The following CNTNAP2 variants were observed in gnomAD, a reference collection of about 807,000 sequenced individuals.
CNTNAP2 encodes contactin associated protein 2, also known as contactin-associated protein-like 2.
CNTNAP2 carries 98 observed loss-of-function variants against 155.2 expected under a neutral mutation model. The ratio of observed to expected loss-of-function variants is 0.63; its 90% CI spans 0.54 to 0.75. The LOEUF (loss-of-function observed/expected upper bound fraction) is 0.75. Ranked by LOEUF, CNTNAP2 falls within the 30% of genes least tolerant of loss-of-function variation. CNTNAP2 has a pLI of 0.00. For synonymous variants in CNTNAP2, 651 were observed against 631.2 expected, an observed-to-expected ratio of 1.03 and a Z score of -0.47; for missense variants, 1,727 against 1,688.1, an observed-to-expected ratio of 1.02 and a Z score of -0.40.
intron 1 of CNTNAP2, among the ~76,000 whole-genome samples, chr7:146,400,091 C>G (rs1418710663): frequency 1.3e-5 from 2 of 152,048 alleles, no homozygotes; most frequent in African/African-American, 4.8e-5. Context: ...AGGTATGGTT[C>G]CTGAGGCAAA....
At chr7:146,248,436 C>T (rs186849770) in intron 1 of CNTNAP2, among the ~76,000 whole-genome samples, 118 of 152,276 alleles carry the variant, frequency 7.7e-4, no homozygotes, top group African/African-American at 2.6e-3. Context: ...TAATCAGGGA[C>T]GCATCCCTGG....
At chr7:146,852,128 G>A (rs1794891585) in intron 3 of CNTNAP2, among the ~76,000 whole-genome samples, 1 of 152,060 alleles carries the variant, frequency 6.6e-6, no homozygotes, top group South Asian at 2.1e-4. Context: ...TTGGGGGTTG[G>A]AACATGAACA....
intron 20 of CNTNAP2, among the ~76,000 whole-genome samples, chr7:148,232,780 C>T (rs1349781970): frequency 6.6e-6 from 1 of 152,194 alleles, no homozygotes; most frequent in African/African-American, 2.4e-5. Context: ...TGATCCTCAT[C>T]AGTGTTTATG....
intron 1 of CNTNAP2, among the ~76,000 whole-genome samples, chr7:146,426,890 G>T (rs1796101369): frequency 6.6e-6 from 1 of 151,798 alleles, no homozygotes. Context: ...TAATAAGTAT[G>T]TGAGGTACTA....
intron 1 of CNTNAP2, among the ~76,000 whole-genome samples, chr7:146,250,023 A>C (rs1256662849): frequency 2.0e-5 from 3 of 152,208 alleles, no homozygotes; most frequent in African/African-American, 7.2e-5. Context: ...TTGAAGAGAT[A>C]AGATACTCTA....
chr7:148,175,722 G>T (rs1173410967), intron 18 of CNTNAP2, among the ~76,000 whole-genome samples: 1 of 152,082 alleles, frequency 6.6e-6, no homozygotes, highest in Admixed American at 6.5e-5. Context: ...AAATAGCCCA[G>T]GGGGACAGAT....
chr7:147,500,712 C>T (rs919615146), intron 11 of CNTNAP2, among the ~76,000 whole-genome samples: 2 of 152,116 alleles, frequency 1.3e-5, no homozygotes, highest in African/African-American at 4.8e-5. Flanking sequence ...AAAGCCCTTG[C>T]TACATAAGAG....
At chr7:147,951,552 C>A (rs934174987) in intron 14 of CNTNAP2, among the ~76,000 whole-genome samples, 2 of 152,018 alleles carry the variant, frequency 1.3e-5, no homozygotes, top group East Asian at 3.9e-4. Context: ...CAGAAATGAA[C>A]GTTGTGGTTT....
At chr7:146,951,744 T>C (rs1296686481) in intron 3 of CNTNAP2, among the ~76,000 whole-genome samples, 1 of 152,200 alleles carries the variant, frequency 6.6e-6, no homozygotes, top group Admixed American at 6.5e-5. Context: ...TCCAGCTTTG[T>C]TCTTTTTGCA....
In CNTNAP2 at chr7:147,981,501, A is replaced by G. The variant is rs538051766; in HGVS notation, c.2383+3512A>G. Reference sequence around the variant, plus strand: ...TAAAGACTAAACCTATTGTTGAAAAATATCTTTCAGTTTGAGGAGTTGAGT... The same window carrying G: ...TAAAGACTAAACCTATTGTTGAAAAGTATCTTTCAGTTTGAGGAGTTGAGT... On this transcript the variant is annotated intron_variant, in intron 15 of 23. Coordinates refer to ENST00000361727, the MANE Select transcript of CNTNAP2 (RefSeq NM_014141.6). 2.4e-4 allele frequency among the ~76,000 whole-genome samples: 37 copies of G among 152,318 alleles called. No homozygotes were observed. In the South Asian group the frequency reaches 7.5e-3, roughly 31 times the overall value.
intron 1 of CNTNAP2, among the ~76,000 whole-genome samples, chr7:146,318,874 A>G (rs1429989234): frequency 1.3e-5 from 2 of 152,208 alleles, no homozygotes; most frequent in African/African-American, 4.8e-5. Context: ...GTAATGCAAT[A>G]CATAATATGT....
At chr7:147,490,784 G>C (rs1584767531) in intron 11 of CNTNAP2, among the ~76,000 whole-genome samples, 1 of 152,122 alleles carries the variant, frequency 6.6e-6, no homozygotes, top group Non-Finnish European at 1.5e-5. Flanking sequence ...GAAAGAAAAG[G>C]GGTTTGACTC....
At chr7:147,876,875 G>A (rs1338843617) in intron 13 of CNTNAP2, among the ~76,000 whole-genome samples, 7 of 152,068 alleles carry the variant, frequency 4.6e-5, no homozygotes, top group Non-Finnish European at 1.0e-4. Context: ...TGCACTGTGG[G>A]GAACTACGGG....
At chr7:147,549,581 A>T (rs1316262234) in intron 11 of CNTNAP2, among the ~76,000 whole-genome samples, 1 of 152,176 alleles carries the variant, frequency 6.6e-6, no homozygotes, top group Non-Finnish European at 1.5e-5. Flanking sequence ...GCGGAGCTTT[A>T]AGTGACCAGG....
At chr7:147,187,280 A>T (rs1200707656) in intron 8 of CNTNAP2, among the ~76,000 whole-genome samples, 1 of 152,180 alleles carries the variant, frequency 6.6e-6, no homozygotes, top group South Asian at 2.1e-4. Flanking sequence ...GCATAAAGAT[A>T]GAGAGGCTCC....
At chr7:147,618,206 C>T (rs1330910866) in intron 12 of CNTNAP2, among the ~76,000 whole-genome samples, 1 of 152,166 alleles carries the variant, frequency 6.6e-6, no homozygotes, top group African/African-American at 2.4e-5. Flanking sequence ...AGGTTACTAC[C>T]TACTGTGTTG....
intron 20 of CNTNAP2, among the ~76,000 whole-genome samples, chr7:148,255,289 T>G (rs1372919651): frequency 6.6e-6 from 1 of 152,234 alleles, no homozygotes; most frequent in Non-Finnish European, 1.5e-5. Flanking sequence ...GAAATAATTA[T>G]ATAGTGCTTG....
intron 15 of CNTNAP2, among the ~76,000 whole-genome samples, chr7:147,986,736 A>G (rs573707886): frequency 6.6e-4 from 100 of 152,232 alleles, no homozygotes; most frequent in Non-Finnish European, 2.4e-4. Context: ...TCAACAGCTG[A>G]GTGGGTATCA....
At chr7:146,707,363 T>C (rs1263563718) in intron 1 of CNTNAP2, among the ~76,000 whole-genome samples, 1 of 152,192 alleles carries the variant, frequency 6.6e-6, no homozygotes, top group Non-Finnish European at 1.5e-5. Flanking sequence ...ACCTTCATTA[T>C]AATACAGTGC....
Sources: gnomAD v4.1 joint callset for allele counts (sites outside exome capture counted in the v4.1 genomes callset) on GRCh38, gnomAD v4.1.1 for gene constraint, MANE v1.5 for transcripts, NCBI Gene and HGNC (gene_info 2026-07-23, HGNC 2026-07-21) for gene names.